The following MARCHF1 variants were observed in gnomAD, a reference collection of about 807,000 sequenced individuals.
MARCHF1 encodes E3 ubiquitin-protein ligase MARCHF1.
MARCHF1 carries 40 observed loss-of-function variants against 54.2 expected under a neutral mutation model. That is an observed-to-expected ratio of 0.74 (90% CI 0.57 to 0.96). The LOEUF is 0.96. Ranked by LOEUF, MARCHF1 falls within the 40% of genes least tolerant of loss-of-function variation. The pLI is 0.00. For synonymous variants in MARCHF1, 236 were observed against 236.3 expected (o/e 1.00, Z 0.01); for missense variants, 586 against 656.5 (o/e 0.89, Z 1.17).
At chr4:163,959,914 C>T (rs1752311302) in intron 3 of MARCHF1, among the ~76,000 whole-genome samples, 1 of 151,824 alleles carries the variant, frequency 6.6e-6, no homozygotes, top group Non-Finnish European at 1.5e-5. Context: ...TGTAACTATG[C>T]ACCTGACAAA....
intron 2 of MARCHF1, among the ~76,000 whole-genome samples, chr4:164,050,275 C>CA (rs34642436): frequency 0.018 from 732 of 40,228 alleles, 44 homozygotes; most frequent in African/African-American, 0.033. Context: ...ACACTGTCTC[C>CA]AAAAAAAAAA....
At chr4:164,261,178 C>G (rs527924864) in intron 1 of MARCHF1, among the ~76,000 whole-genome samples, 2 of 152,270 alleles carry the variant, frequency 1.3e-5, no homozygotes, top group South Asian at 2.1e-4. Context: ...CAGCCCAGCC[C>G]TACCAGCTTC....
At chr4:164,174,074 T>C (rs1730597343) in intron 1 of MARCHF1, among the ~76,000 whole-genome samples, 1 of 152,206 alleles carries the variant, frequency 6.6e-6, no homozygotes, top group Non-Finnish European at 1.5e-5. Flanking sequence ...CACTAGTCAA[T>C]ACTTCCTTCT....
At chr4:163,703,369 CA>C (rs938098575) in intron 4 of MARCHF1, among the ~76,000 whole-genome samples, 1 of 152,052 alleles carries the variant, frequency 6.6e-6, no homozygotes, top group African/African-American at 2.4e-5. Flanking sequence ...GCTTTTGAAG[CA>C]AAGCACCAGA....
intron 3 of MARCHF1, among the ~76,000 whole-genome samples, chr4:163,874,815 G>GC (rs1750255306): frequency 6.6e-6 from 1 of 152,100 alleles, no homozygotes; most frequent in South Asian, 2.1e-4. Context: ...ACAAATAGAA[G>GC]CACTGAGTTG....
intron 1 of MARCHF1, among the ~76,000 whole-genome samples, chr4:164,133,651 T>C (rs1756345191): frequency 6.6e-6 from 1 of 152,210 alleles, no homozygotes; most frequent in African/African-American, 2.4e-5. Flanking sequence ...TTACCAAAAA[T>C]AAATTTTTAA....
chr4:164,014,602 G>A (rs1020121355), intron 2 of MARCHF1, among the ~76,000 whole-genome samples: 1 of 152,040 alleles, frequency 6.6e-6, no homozygotes, highest in Admixed American at 6.6e-5. Flanking sequence ...TAGAGTGGTG[G>A]AATCAATAAA....
At chr4:163,698,304 G>T (rs974811348) in intron 5 of MARCHF1, among the ~76,000 whole-genome samples, 1 of 152,058 alleles carries the variant, frequency 6.6e-6, no homozygotes, top group African/African-American at 2.4e-5. Flanking sequence ...TCTAGATTTG[G>T]CCACTTCATG....
chr4:163,571,585 C>T (rs1042132091), intron 8 of MARCHF1, among the ~76,000 whole-genome samples: 2 of 152,106 alleles, frequency 1.3e-5, no homozygotes, highest in Non-Finnish European at 2.9e-5. Context: ...AGAAAAGGAT[C>T]TAGCTCCAAA....
chr4:164,078,468 T>C (rs746684763), intron 2 of MARCHF1, among the ~76,000 whole-genome samples: 3 of 152,122 alleles, frequency 2.0e-5, no homozygotes, highest in Non-Finnish European at 4.4e-5. Context: ...ATGGCACATG[T>C]ATACGTATGT....
chr4:163,729,634 G>T (rs900554335), intron 4 of MARCHF1, among the ~76,000 whole-genome samples: 1 of 151,934 alleles, frequency 6.6e-6, no homozygotes, highest in South Asian at 2.1e-4. Flanking sequence ...CAAGTTTGTG[G>T]GTGGGCATAG....
At chr4:164,002,656 A>G (rs1024861209) in intron 2 of MARCHF1, among the ~76,000 whole-genome samples, 40 of 151,812 alleles carry the variant, frequency 2.6e-4, no homozygotes, top group African/African-American at 8.9e-4. Context: ...TGAACGAAAT[A>G]GTGTTTGAAA....
intron 2 of MARCHF1, among the ~76,000 whole-genome samples, chr4:164,037,782 T>C (rs1287963320): frequency 6.6e-6 from 1 of 152,186 alleles, no homozygotes; most frequent in Admixed American, 6.5e-5. Context: ...ATGTTGATAG[T>C]ATGTACCCTT....
intron 8 of MARCHF1, among the ~76,000 whole-genome samples, chr4:163,570,043 T>C (rs1191674211): frequency 6.6e-6 from 1 of 152,172 alleles, no homozygotes; most frequent in Non-Finnish European, 1.5e-5. Flanking sequence ...GCTTACTTTA[T>C]TAATTTGCTC....
rs181935393 is a variant in MARCHF1, at chr4:163,949,952, G to A, written c.-39+38549C>T. Among the ~76,000 whole-genome samples the A allele has an allele frequency of 3.5e-3, 531 of 152,324 alleles. 5 individuals are homozygous for A. The highest frequency in any genetic ancestry group is 0.012 in the African/African-American group (498 of 41,578). On this transcript the variant is annotated intron_variant, in intron 3 of 9. Coordinates refer to ENST00000514618, the MANE Select transcript of MARCHF1 (RefSeq NM_001394959.1). ...GGTACCCCCTCTCCATAGGCAGGTCGTCCACTGCTGGAGTCTGGCTGAGTC... is the reference window on the plus strand; with the variant it reads ...GGTACCCCCTCTCCATAGGCAGGTCATCCACTGCTGGAGTCTGGCTGAGTC...
At chr4:164,215,945 G>T (rs948300530) in intron 1 of MARCHF1, among the ~76,000 whole-genome samples, 1 of 152,052 alleles carries the variant, frequency 6.6e-6, no homozygotes, top group East Asian at 1.9e-4. Context: ...AATCAGAAGC[G>T]ATCAAAGAAT....
intron 3 of MARCHF1, among the ~76,000 whole-genome samples, chr4:163,975,153 C>A (rs189600234): frequency 6.8e-6 from 1 of 147,520 alleles, no homozygotes; most frequent in East Asian, 2.0e-4. Context: ...AAGCCAATTT[C>A]TCATAATAAA....
intron 4 of MARCHF1, among the ~76,000 whole-genome samples, chr4:163,717,428 G>A (rs1396258003): frequency 6.6e-6 from 1 of 151,922 alleles, no homozygotes; most frequent in Non-Finnish European, 1.5e-5. Flanking sequence ...CCAAGTCTTT[G>A]CTATTGTGAA....
chr4:164,077,198 C>T (rs1754999816), intron 2 of MARCHF1, among the ~76,000 whole-genome samples: 1 of 152,074 alleles, frequency 6.6e-6, no homozygotes, highest in African/African-American at 2.4e-5. Context: ...ACCAATGGAA[C>T]AGAACAGAGT....
Sources: gnomAD v4.1 joint callset for allele counts (sites outside exome capture counted in the v4.1 genomes callset) on GRCh38, gnomAD v4.1.1 for gene constraint, MANE v1.5 for transcripts, NCBI Gene and HGNC (gene_info 2026-07-23, HGNC 2026-07-21) for gene names.